TMEM106B: variants seen among roughly 807,000 people sequenced by gnomAD.
TMEM106B encodes transmembrane protein 106B.
TMEM106B carries 15 observed loss-of-function variants against 31.1 expected under a neutral mutation model. The observed-to-expected ratio is 0.48, with a 90% CI of 0.32 to 0.74. The LOEUF is 0.74. Among genes scored for constraint, TMEM106B ranks in the 30% least tolerant of loss-of-function variants. The pLI, the probability that TMEM106B is intolerant of heterozygous loss-of-function variation, is 0.03. For synonymous variants in TMEM106B, 126 were observed against 112.5 expected, an observed-to-expected ratio of 1.12 and a Z score of -0.76; for missense variants, 283 against 327.3, an observed-to-expected ratio of 0.86 and a Z score of 1.04.
chr7:12,232,431 T>G lies in TMEM106B; in HGVS notation c.*456T>G, dbSNP rs1583222150. On this transcript the variant is annotated 3_prime_UTR_variant, in exon 8 of 8. Transcript: ENST00000396668. ...TTTTTTCCTGTTTTATAAATTCCCA[T>G]TGTTATATGGTAGTATTTCAGCTAC... The G allele has an allele frequency of 2.6e-5, 4 of 152,386 alleles. No homozygotes were observed. The highest frequency in any genetic ancestry group is 2.6e-4 in the Admixed American group (4 of 15,288). The allele number at this position is 152,386 out of a possible 1,614,324, so 9.4% of individuals were successfully genotyped here.
At chr7:12,231,774 C>A in intron 7 of TMEM106B, 63 bp from the exon 8 acceptor site, 1 of 1,349,884 alleles carries the variant, frequency 7.4e-7, no homozygotes, top group Non-Finnish European at 1.0e-6. Flanking sequence ...TTAAAGTAGT[C>A]TCACTATGGA....
intron 2 of TMEM106B, among the ~76,000 whole-genome samples, chr7:12,216,182 G>C (rs991287925): frequency 6.6e-6 from 1 of 152,062 alleles, no homozygotes; most frequent in Admixed American, 6.5e-5. Flanking sequence ...TGTAGTTGAA[G>C]GGATTAATGC....
At position 12,236,382 on chromosome 7, in the gene TMEM106B, A is replaced by G. The variant is rs952700740; in HGVS notation, c.*4407A>G. 2.0e-5 allele frequency: 3 copies of G among 151,908 alleles called. No individual in the cohort carries two copies. The highest frequency in any genetic ancestry group is 7.2e-5 in the African/African-American group (3 of 41,434). 9.4% of individuals were successfully genotyped at this position (151,908 alleles called of 1,614,324 possible). On this transcript the variant is annotated 3_prime_UTR_variant, in exon 8 of 8. Coordinates refer to ENST00000396668, the MANE Select transcript of TMEM106B (RefSeq NM_001134232.2). The stretch of plus-strand genomic sequence containing the variant: ...ATTTATCACAGACTCTAAATTGAAA[A>G]ATGTAGTATGATCTATATTTGACCC...
Position 12,235,350 on chromosome 7 carries a change from C to A in TMEM106B, c.*3375C>A, listed in dbSNP as rs113402591. 2.0e-5 allele frequency: 3 copies of A among 151,998 alleles called. No individual in the cohort carries two copies. The highest frequency in any genetic ancestry group is 7.2e-5 in the African/African-American group (3 of 41,432). The allele number at this position is 151,998 out of a possible 1,614,324, so 9.4% of individuals were successfully genotyped here. ...AAATTGTTTGAAATTACTGAATAAC[C>A]ATCTTAAGTATGGAACATTTAAATG... On this transcript the variant is annotated 3_prime_UTR_variant, in exon 8 of 8. Transcript: ENST00000396668.
Position 12,239,279 on chromosome 7 carries a change from T to C in TMEM106B, c.*7304T>C, listed in dbSNP as rs780072291. The C allele has an allele frequency of 3.9e-5, 6 of 152,170 alleles. No individual in the cohort carries two copies. The highest frequency in any genetic ancestry group is 5.9e-5 in the Non-Finnish European group (4 of 68,034). 9.4% of individuals were successfully genotyped at this position (152,170 alleles called of 1,614,324 possible). A position where few individuals can be genotyped will look rare whatever the true frequency, so the allele number is the denominator to read the frequency against. On this transcript the variant is annotated 3_prime_UTR_variant, in exon 8 of 8. Transcript: ENST00000396668. ...CTCATCTCTCTCAGCCTTCATAGAATTGAAGCGTGTTAGGGCTTTGTTCAG... is the reference window on the plus strand; with the variant it reads ...CTCATCTCTCTCAGCCTTCATAGAACTGAAGCGTGTTAGGGCTTTGTTCAG...
At chr7:12,225,630 G>C (rs1781885615) in intron 4 of TMEM106B, among the ~76,000 whole-genome samples, 1 of 152,132 alleles carries the variant, frequency 6.6e-6, no homozygotes, top group Admixed American at 6.6e-5. Context: ...GTGATGATGA[G>C]CATTTTTTCA....
At chr7:12,227,312 A>C (rs905427180) in intron 4 of TMEM106B, among the ~76,000 whole-genome samples, 5 of 152,054 alleles carry the variant, frequency 3.3e-5, no homozygotes, top group African/African-American at 1.2e-4. Context: ...TTGTCTTTCT[A>C]CTTATGAAAA....
At chr7:12,222,133 T>G (rs543046530) in intron 3 of TMEM106B, among the ~76,000 whole-genome samples, 2 of 152,336 alleles carry the variant, frequency 1.3e-5, no homozygotes, top group South Asian at 4.1e-4. Context: ...GGAAGAAAAG[T>G]AAATTGCATT....
rs1177849358 is a variant in TMEM106B, at chr7:12,238,697, ACAT to A, written c.*6728_*6730del. ...ATGAAAACAACATTAATCTATTTGTACATCATCAGAGCTGTTGGGTGACCAGGT... is the reference window on the plus strand; with the variant it reads ...ATGAAAACAACATTAATCTATTTGTACATCAGAGCTGTTGGGTGACCAGGT... On this transcript the variant is annotated 3_prime_UTR_variant, in exon 8 of 8. Transcript: ENST00000396668. The A allele has an allele frequency of 5.9e-5, 9 of 152,280 alleles. No individual in the cohort carries two copies. Among genetic ancestry groups the A allele is most frequent in the Admixed American group, 2.6e-4 (4 of 15,280 alleles). The allele number at this position is 152,280 out of a possible 1,614,324, so 9.4% of individuals were successfully genotyped here.
intron 3 of TMEM106B, among the ~76,000 whole-genome samples, chr7:12,222,994 G>A (rs1268980503): frequency 6.6e-6 from 1 of 152,138 alleles, no homozygotes; most frequent in Admixed American, 6.5e-5. Context: ...TAAGTAGATT[G>A]TAAGGAAAAT....
intron 3 of TMEM106B, among the ~76,000 whole-genome samples, chr7:12,223,340 TC>T (rs1291130228): frequency 1.0e-5 from 1 of 96,970 alleles, no homozygotes; most frequent in Non-Finnish European, 2.0e-5. Flanking sequence ...TGTGGTTGTG[TC>T]ATTTTTTTTT....
In TMEM106B at chr7:12,234,946, A is replaced by G. The variant is rs1389929017; in HGVS notation, c.*2971A>G. On this transcript the variant is annotated 3_prime_UTR_variant, in exon 8 of 8. Coordinates refer to ENST00000396668, the MANE Select transcript of TMEM106B (RefSeq NM_001134232.2). ...GATCACGTACTTACTAAGTAGTACA[A>G]CTGGAGCAAGATCAAGTATCTCTGT... The G allele has an allele frequency of 6.6e-6, 1 of 151,884 alleles. No homozygotes were observed. The highest frequency in any genetic ancestry group is 2.4e-5 in the African/African-American group (1 of 41,424). The allele number at this position is 151,884 out of a possible 1,614,324, so 9.4% of individuals were successfully genotyped here.
chr7:12,211,341 CTCCCG>C lies in TMEM106B; in HGVS notation c.-86_-82del, dbSNP rs1413177660. ...CCAGGCCGGTCGCTCCACCCCCCGG[CTCCCG>C]GGACTGTGGACTCCACGACCCTGTC... On this transcript the variant is annotated 5_prime_UTR_variant, in exon 1 of 8. Coordinates refer to ENST00000396668, the MANE Select transcript of TMEM106B (RefSeq NM_001134232.2). 6.6e-6 allele frequency: 1 copy of C among 152,372 alleles called. No individual in the cohort carries two copies. The highest frequency in any genetic ancestry group is 2.4e-5 in the African/African-American group (1 of 41,476). The allele number at this position is 152,372 out of a possible 1,614,324, so 9.4% of individuals were successfully genotyped here.
At chr7:12,228,069 T>A (rs1781937829) in intron 4 of TMEM106B, among the ~76,000 whole-genome samples, 1 of 151,908 alleles carries the variant, frequency 6.6e-6, no homozygotes, top group Non-Finnish European at 1.5e-5. Flanking sequence ...TGTCTAGAAA[T>A]GAAATTGACA....
In TMEM106B at chr7:12,215,009, A is replaced by G. The variant is rs1562702324; in HGVS notation, c.199A>G (p.Thr67Ala). The G allele has an allele frequency of 6.2e-7, 1 of 1,613,824 alleles. No homozygotes were observed. Among genetic ancestry groups the G allele is most frequent in the Non-Finnish European group, 8.5e-7 (1 of 1,179,822 alleles). Reference protein sequence around the residue: ...DSVTCPTCQGTGRIPRGQENQ... With the variant: ...DSVTCPTCQGAGRIPRGQENQ... ...TGTCACCTGCCCTACTTGTCAGGGA[A>G]CAGGAAGAATTCCTAGGGGTATGTG... The change falls in exon 2 of 8, where the codon ACA becomes GCA. Residue 67 changes from threonine (T) to alanine (A), a missense_variant. This residue lies in a region of TMEM106B where 77 missense variants were observed against 89.4 expected (regional missense o/e 0.86). Coordinates refer to ENST00000396668, the MANE Select transcript of TMEM106B (RefSeq NM_001134232.2).
Position 12,238,997 on chromosome 7 carries a change from T to A in TMEM106B, c.*7022T>A, listed in dbSNP as rs190475031. Reference sequence around the variant, plus strand: ...TCCTTTAAAGCTTTAAAGGCAAGCATTGACTTCTCTTTAGCTATGAAAGTT... The same window carrying A: ...TCCTTTAAAGCTTTAAAGGCAAGCAATGACTTCTCTTTAGCTATGAAAGTT... On this transcript the variant is annotated 3_prime_UTR_variant, in exon 8 of 8. Coordinates refer to ENST00000396668, the MANE Select transcript of TMEM106B (RefSeq NM_001134232.2). 6.6e-6 allele frequency: 1 copy of A among 152,160 alleles called. No homozygotes were observed. The highest frequency in any genetic ancestry group is 2.4e-5 in the African/African-American group (1 of 41,454). 9.4% of individuals were successfully genotyped at this position (152,160 alleles called of 1,614,324 possible).
chr7:12,231,961 C>T lies in TMEM106B; in HGVS notation c.811C>T (p.Gln271Ter), dbSNP rs1224003459. 1 of 1,610,662 alleles carries T rather than the reference C, an allele frequency of 6.2e-7. No individual in the cohort carries two copies. Among genetic ancestry groups the T allele is most frequent in the South Asian group, 1.1e-5 (1 of 90,744 alleles). ...LGQSEYLNVL[Q>*]PQQ ...GCAGTCTGAATATTTAAATGTACTT[C>T]AGCCACAACAGTAAAAACTGGAAGA... Residue 271 changes from glutamine (Q) to a stop codon, truncating the protein, a stop_gained, in exon 8 of 8, where the codon CAG becomes TAG. Coordinates refer to ENST00000396668, the MANE Select transcript of TMEM106B (RefSeq NM_001134232.2). LOFTEE classifies it high-confidence loss of function.
Position 12,241,254 on chromosome 7 carries a change from T to A in TMEM106B, c.*9279T>A, listed in dbSNP as rs1191163856. The A allele has an allele frequency of 6.6e-6, 1 of 152,154 alleles. No individual in the cohort carries two copies. Among genetic ancestry groups the A allele is most frequent in the Admixed American group, 6.6e-5 (1 of 15,266 alleles). 9.4% of individuals were successfully genotyped at this position (152,154 alleles called of 1,614,324 possible). On this transcript the variant is annotated 3_prime_UTR_variant, in exon 8 of 8. Coordinates refer to ENST00000396668, the MANE Select transcript of TMEM106B (RefSeq NM_001134232.2). ...CAAATCTATTTCAGACACCTAACTT[T>A]TTTTTTATTTTTTATACTTTAAGTT...
Position 12,232,259 on chromosome 7 carries a change from T to C in TMEM106B, c.*284T>C. ...AGCTGATACTTCCCCTATAGTACAA[T>C]AAATAATTATTTAAAAGTCATAGCT... is the stretch of plus-strand genomic sequence containing the variant. On this transcript the variant is annotated 3_prime_UTR_variant, in exon 8 of 8. Coordinates refer to ENST00000396668, the MANE Select transcript of TMEM106B (RefSeq NM_001134232.2). 1 of 200,638 alleles carries C rather than the reference T, an allele frequency of 5.0e-6. No individual in the cohort carries two copies. Among genetic ancestry groups the C allele is most frequent in the East Asian group, 1.1e-4 (1 of 9,520 alleles). 12.4% of individuals were successfully genotyped at this position (200,638 alleles called of 1,614,324 possible).
Sources: gnomAD v4.1 joint callset for allele counts (sites outside exome capture counted in the v4.1 genomes callset) on GRCh38, gnomAD v4.1.1 for gene constraint, gnomAD v4.1.1 regional missense constraint, MANE v1.5 for transcripts, NCBI Gene and HGNC (gene_info 2026-07-23, HGNC 2026-07-21) for gene names.